The following CDCA7L variants were observed in gnomAD, a reference collection of about 807,000 sequenced individuals.
CDCA7L encodes the protein cell division cycle associated 7 like, also known as cell division cycle-associated 7-like protein.
Under a neutral mutation model 57.4 loss-of-function variants are expected in CDCA7L, and 44 were observed. That is an observed-to-expected ratio of 0.77 (90% confidence interval 0.60 to 0.98). CDCA7L has a LOEUF of 0.98. CDCA7L is among the 50% of genes least tolerant of loss of function. The probability of loss-of-function intolerance (pLI) is 0.00; values close to 1 mark genes in which losing one functional copy is unlikely to be tolerated. For synonymous variants in CDCA7L, 236 were observed against 202.8 expected, an observed-to-expected ratio of 1.16 and a Z score of -1.39; for missense variants, 644 against 580.6, an observed-to-expected ratio of 1.11 and a Z score of -1.12.
rs142960229 is a variant in CDCA7L, at chr7:21,922,722, A to G, written c.25-5828T>C. Reference sequence around the variant, plus strand: ...AAACTTTATATCCTTTCCCTTATTCATGGCATCATGATTCACAAGAGCCAA... The same window carrying G: ...AAACTTTATATCCTTTCCCTTATTCGTGGCATCATGATTCACAAGAGCCAA... On this transcript the variant is annotated intron_variant, in intron 1 of 9. Transcript: ENST00000406877. Among the ~76,000 whole-genome samples the G allele has an allele frequency of 4.6e-5, 7 of 152,338 alleles. 1 individual carries two copies. Among genetic ancestry groups the G allele is most frequent in the Non-Finnish European group, 8.8e-5 (6 of 68,030 alleles).
Position 21,901,944 on chromosome 7 carries a change from G to A in CDCA7L, c.*378C>T, listed in dbSNP as rs1261110996. 4.2e-6 allele frequency: 1 copy of A among 239,356 alleles called. No individual in the cohort carries two copies. Among genetic ancestry groups the A allele is most frequent in the African/African-American group, 2.4e-5 (1 of 41,754 alleles). The allele number at this position is 239,356 out of a possible 1,614,324, so 14.8% of individuals were successfully genotyped here. ...CGTGCTAAGGCACACTTGGCCTGGA[G>A]TGAGTTACTGTTTGGGAAGCCAAAG... On this transcript the variant is annotated 3_prime_UTR_variant, in exon 10 of 10. Transcript: ENST00000406877.
chr7:21,936,793 G>T (rs369545502), intron 1 of CDCA7L, among the ~76,000 whole-genome samples: 2 of 152,164 alleles, frequency 1.3e-5, no homozygotes, highest in Non-Finnish European at 2.9e-5. Context: ...TCTATTCAAC[G>T]CAGTATTGGG....
chr7:21,903,154 A>G (rs924968286), intron 8 of CDCA7L, 40 bp from the exon 9 acceptor site: 1 of 1,595,822 alleles, frequency 6.3e-7, no homozygotes, highest in South Asian at 1.1e-5. Context: ...CTCATTATCT[A>G]CAGGGTCTGG....
chr7:21,915,173 G>A (rs571451764), intron 2 of CDCA7L, among the ~76,000 whole-genome samples: 1 of 152,120 alleles, frequency 6.6e-6, no homozygotes, highest in Non-Finnish European at 1.5e-5. Flanking sequence ...CACAGCAGAA[G>A]TTTCATCAAC....
At chr7:21,905,218 A>C (rs1423894921) in intron 7 of CDCA7L, among the ~76,000 whole-genome samples, 1 of 95,092 alleles carries the variant, frequency 1.1e-5, no homozygotes, top group Non-Finnish European at 3.0e-5. Flanking sequence ...ACATAAAACT[A>C]TATGCTTAAA....
chr7:21,931,796 T>C (rs1786026513), intron 1 of CDCA7L, among the ~76,000 whole-genome samples: 1 of 152,022 alleles, frequency 6.6e-6, no homozygotes, highest in Admixed American at 6.6e-5. Context: ...TATTTTTCCA[T>C]TTTCCATTGC....
chr7:21,944,276 T>TA lies in CDCA7L; in HGVS notation c.24+1504dup, dbSNP rs34883298. Among the ~76,000 whole-genome samples, 938 of 135,352 alleles carry TA rather than the reference T, an allele frequency of 6.9e-3. 11 individuals carry two copies. Among genetic ancestry groups the TA allele is most frequent in the African/African-American group, 0.022 (804 of 36,112 alleles). The allele number at this position is 135,352 out of a possible 152,430, so 88.8% of individuals were successfully genotyped here. The stretch of plus-strand genomic sequence containing the variant: ...CAACATTGTGAAACCCTGTCTCTAC[T>TA]AAAAAAAAAAAAAAAATACAAAAAA... On this transcript the variant is annotated intron_variant, in intron 1 of 9. Transcript: ENST00000406877.
At chr7:21,915,912 T>A (rs1785469545) in intron 2 of CDCA7L, among the ~76,000 whole-genome samples, 1 of 151,990 alleles carries the variant, frequency 6.6e-6, no homozygotes, top group Non-Finnish European at 1.5e-5. Context: ...GGTCTACTGG[T>A]GGGGTCAACT....
chr7:21,918,497 A>G (rs757232890), intron 1 of CDCA7L, among the ~76,000 whole-genome samples: 1 of 152,194 alleles, frequency 6.6e-6, no homozygotes, highest in Admixed American at 6.5e-5. Flanking sequence ...TGGCTCTTAA[A>G]TCCCTTCTCA....
intron 1 of CDCA7L, among the ~76,000 whole-genome samples, chr7:21,923,249 G>A (rs1785715545): frequency 6.6e-6 from 1 of 152,136 alleles, no homozygotes; most frequent in South Asian, 2.1e-4. Flanking sequence ...AGCACTCTGG[G>A]AGGCCGAGGC....
At chr7:21,907,840 A>G (rs1301914256) in intron 4 of CDCA7L, among the ~76,000 whole-genome samples, 1 of 152,116 alleles carries the variant, frequency 6.6e-6, no homozygotes, top group African/African-American at 2.4e-5. Context: ...CATCCCCAAC[A>G]CAACTATATA....
At chr7:21,937,284 C>T (rs927552899) in intron 1 of CDCA7L, among the ~76,000 whole-genome samples, 1 of 152,038 alleles carries the variant, frequency 6.6e-6, no homozygotes, top group Non-Finnish European at 1.5e-5. Flanking sequence ...AAACAAAAGT[C>T]CATCCTAAAA....
At chr7:21,904,086 A>T in intron 8 of CDCA7L, 24 bp downstream of exon 8, 1 of 1,551,976 alleles carries the variant, frequency 6.4e-7, no homozygotes. Flanking sequence ...TACAATTTAC[A>T]ACAAATGCAA....
At chr7:21,905,426 G>A in intron 7 of CDCA7L, 80 bp downstream of exon 7, 1 of 1,487,324 alleles carries the variant, frequency 6.7e-7, no homozygotes, top group Non-Finnish European at 9.2e-7. Context: ...CATAAGCCCT[G>A]ATAGAGTTTA....
intron 1 of CDCA7L, among the ~76,000 whole-genome samples, chr7:21,924,637 A>G (rs1358264975): frequency 6.6e-6 from 1 of 152,266 alleles, no homozygotes; most frequent in Non-Finnish European, 1.5e-5. Context: ...ATATAAAACT[A>G]TAAAACTTTT....
At chr7:21,913,624 AATTT>A (rs1367865346) in intron 2 of CDCA7L, among the ~76,000 whole-genome samples, 3 of 152,198 alleles carry the variant, frequency 2.0e-5, no homozygotes, top group Non-Finnish European at 1.5e-5. Flanking sequence ...CCTGCAGGCT[AATTT>A]AGAGTGGTAT....
At chr7:21,912,624 G>A (rs1293934696) in intron 2 of CDCA7L, among the ~76,000 whole-genome samples, 2 of 152,082 alleles carry the variant, frequency 1.3e-5, no homozygotes, top group Non-Finnish European at 2.9e-5. Context: ...CACCAACAGC[G>A]AGCTTCTCTG....
At chr7:21,902,870 A>G (rs147542284) in intron 9 of CDCA7L, 108 bp downstream of exon 9, 23 of 1,003,230 alleles carry the variant, frequency 2.3e-5, no homozygotes, top group East Asian at 1.7e-4. Flanking sequence ...CGTGGTTTAT[A>G]TAAGTAAGTA....
rs867964445 is a variant in CDCA7L at position 21,944,912 on chromosome 7, C to T, written c.24+869G>A. ...AAAACAATCCTCGCACAAAGCATCT[C>T]CGTGCTCCCACAAGCAGAGGCGTGG... On this transcript the variant is annotated intron_variant, in intron 1 of 9. Coordinates refer to ENST00000406877, the MANE Select transcript of CDCA7L (RefSeq NM_018719.5). 82 of 151,516 alleles carry T rather than the reference C, an allele frequency of 5.4e-4. 1 individual carries two copies. Among genetic ancestry groups the T allele is most frequent in the African/African-American group, 1.9e-3 (79 of 41,310 alleles). The allele number at this position is 151,516 out of a possible 1,614,324, so 9.4% of individuals were successfully genotyped here. A position where few individuals can be genotyped will look rare whatever the true frequency, so the allele number is the denominator to read the frequency against.
Sources: gnomAD v4.1 joint callset for allele counts (sites outside exome capture counted in the v4.1 genomes callset) on GRCh38, gnomAD v4.1.1 for gene constraint, MANE v1.5 for transcripts, NCBI Gene and HGNC (gene_info 2026-07-23, HGNC 2026-07-21) for gene names.